The following CPT1A variants were observed in gnomAD, a reference collection of about 807,000 sequenced individuals.
The protein encoded by CPT1A is carnitine palmitoyltransferase 1A.
In CPT1A, 64 loss-of-function variants were observed where a neutral mutation model predicts 100.8. The observed-to-expected ratio is 0.63, with a 90% CI of 0.52 to 0.78. The LOEUF (loss-of-function observed/expected upper bound fraction) is 0.78. CPT1A is among the 30% of genes least tolerant of loss of function. The pLI is 0.00. For synonymous variants in CPT1A, 363 were observed against 396.0 expected (o/e 0.92, Z 0.99); for missense variants, 802 against 1,034.1 (o/e 0.78, Z 3.08).
intron 10 of CPT1A, among the ~76,000 whole-genome samples, chr11:68,783,998 T>C (rs1855384571): frequency 6.6e-6 from 1 of 152,132 alleles, no homozygotes; most frequent in Admixed American, 6.5e-5. Flanking sequence ...GCCTCCTGAA[T>C]AGCTTGGACT....
At chr11:68,760,557 T>G (rs1178311415) in intron 16 of CPT1A, among the ~76,000 whole-genome samples, 5 of 147,088 alleles carry the variant, frequency 3.4e-5, no homozygotes, top group Non-Finnish European at 3.0e-5. Context: ...AGGGTGGGGG[T>G]GGGGGCATAC....
intron 5 of CPT1A, among the ~76,000 whole-genome samples, chr11:68,802,213 A>C (rs543029163): frequency 3.9e-5 from 6 of 152,284 alleles, no homozygotes; most frequent in African/African-American, 1.4e-4. Flanking sequence ...GCGCAACATT[A>C]TAAATGTACT....
intron 1 of CPT1A, among the ~76,000 whole-genome samples, chr11:68,827,071 GA>G (rs1287904258): frequency 1.3e-5 from 2 of 152,086 alleles, no homozygotes; most frequent in East Asian, 3.9e-4. Flanking sequence ...CTGGACCTCA[GA>G]TAAGCCTCAC....
At chr11:68,790,164 A>G (rs2153999179) in intron 9 of CPT1A, among the ~76,000 whole-genome samples, 1 of 151,936 alleles carries the variant, frequency 6.6e-6, no homozygotes, top group Middle Eastern at 3.4e-3. Context: ...TCCACCTCCC[A>G]GGCTCAAGTG....
chr11:68,813,860 T>A (rs533182718), intron 2 of CPT1A, among the ~76,000 whole-genome samples: 3 of 152,240 alleles, frequency 2.0e-5, no homozygotes, highest in African/African-American at 7.2e-5. Flanking sequence ...AAATCTCGGA[T>A]GTCACCTTGG....
chr11:68,838,193 C>A (rs961130795), intron 1 of CPT1A, among the ~76,000 whole-genome samples: 1 of 152,082 alleles, frequency 6.6e-6, no homozygotes, highest in Non-Finnish European at 1.5e-5. Context: ...GGAGAGGGCA[C>A]GCCTCACTCA....
chr11:68,793,520 C>A (rs575281670), intron 8 of CPT1A, 118 bp from the exon 9 acceptor site: 1 of 716,558 alleles, frequency 1.4e-6, no homozygotes, highest in Non-Finnish European at 2.4e-6. Flanking sequence ...CTGAGGCGGG[C>A]GGATCACGAG....
chr11:68,817,112 T>G (rs1391868980), intron 1 of CPT1A, among the ~76,000 whole-genome samples: 10 of 136,630 alleles, frequency 7.3e-5, no homozygotes, highest in Non-Finnish European at 1.4e-4. Context: ...TGTGTGTGTG[T>G]GGGTGTGTGG....
chr11:68,795,692 C>A (rs1181673368), intron 7 of CPT1A, among the ~76,000 whole-genome samples: 1 of 152,144 alleles, frequency 6.6e-6, no homozygotes, highest in African/African-American at 2.4e-5. Flanking sequence ...CACGGATCAC[C>A]TGAAGTCAGG....
intron 1 of CPT1A, chr11:68,818,676 T>A (rs1856497845): frequency 6.6e-6 from 1 of 152,196 alleles, no homozygotes; most frequent in Non-Finnish European, 1.5e-5. Flanking sequence ...CTGGGCAACA[T>A]GGCGAAACCC....
intron 3 of CPT1A, 34 bp downstream of exon 3, chr11:68,812,402 TC>T: frequency 6.2e-7 from 1 of 1,613,722 alleles, no homozygotes; most frequent in Non-Finnish European, 8.5e-7. Context: ...ATCGGTAACT[TC>T]CCAGACAATT....
intron 1 of CPT1A, among the ~76,000 whole-genome samples, chr11:68,839,279 G>A (rs1857099893): frequency 6.6e-6 from 1 of 152,246 alleles, no homozygotes; most frequent in African/African-American, 2.4e-5. Flanking sequence ...TAGATTTCGG[G>A]CAGCAAGTTT....
chr11:68,843,658 C>A (rs1857200033), upstream of CPT1A, among the ~76,000 whole-genome samples: 1 of 152,222 alleles, frequency 6.6e-6, no homozygotes, highest in Non-Finnish European at 1.5e-5. This position sits in a 1 kb window ranked among gnomAD's most constrained non-coding sequence, Gnocchi z 4.0. Context: ...ATTTGCATTT[C>A]TTTGAGGTTA....
At chr11:68,815,561 C>G (rs547093030) in intron 1 of CPT1A, 74 bp from the exon 2 acceptor site, 2 of 1,430,294 alleles carry the variant, frequency 1.4e-6, no homozygotes, top group African/African-American at 1.4e-5. Flanking sequence ...TACAGAAGTG[C>G]CATTCCTTCT....
Position 68,759,627 on chromosome 11 carries a change from A to G in CPT1A, c.2177T>C (p.Leu726Pro). The G allele has an allele frequency of 2.5e-6, 4 of 1,613,976 alleles. No individual in the cohort carries two copies. In the Admixed American group the frequency reaches 5.0e-5, roughly 20 times the overall value. The part of the protein sequence containing the change: ...ADDGYGVSYI[L>P]VGENLINFHI... ...GAAATTGATGAGGTTCTCTCCCACAAGGATGTACGACACACCATAGCCGTC... is the reference window on the plus strand; with the variant it reads ...GAAATTGATGAGGTTCTCTCCCACAGGGATGTACGACACACCATAGCCGTC... The change falls in exon 18 of 19, where the codon CTT (leucine) becomes CCT (proline). Residue 726 changes from leucine (L) to proline (P), a missense_variant. This residue lies in a region of CPT1A where 627 missense variants were observed against 799.3 expected (regional missense o/e 0.78). Transcript: ENST00000265641.
intron 1 of CPT1A, among the ~76,000 whole-genome samples, chr11:68,829,848 C>CAAAAAAAA (rs1348568247): frequency 1.2e-3 from 179 of 152,326 alleles, no homozygotes; most frequent in African/African-American, 4.1e-3. Flanking sequence ...CCAAAAACAA[C>CAAAAAAAA]ACATCGTCTG....
Position 68,841,515 on chromosome 11 carries a change from C to T in CPT1A, c.-14+260G>A, listed in dbSNP as rs1262814129. 6.6e-5 allele frequency among the ~76,000 whole-genome samples: 10 copies of T among 152,216 alleles called. No homozygotes were observed. Among genetic ancestry groups the T allele is most frequent in the Admixed American group, 6.5e-4 (10 of 15,292 alleles). ...CCCTCCCGCGGCCGCACGGGACCCGCCTGCGGATGGACCGACCCCCGGTGG... is the reference window on the plus strand; with the variant it reads ...CCCTCCCGCGGCCGCACGGGACCCGTCTGCGGATGGACCGACCCCCGGTGG... On this transcript the variant is annotated intron_variant, in intron 1 of 18. Transcript: ENST00000265641. This position sits in a 1 kb window ranked among gnomAD's most constrained non-coding sequence, Gnocchi z 6.3.
chr11:68,822,960 G>A (rs1479621039), intron 1 of CPT1A, among the ~76,000 whole-genome samples: 1 of 152,196 alleles, frequency 6.6e-6, no homozygotes, highest in Admixed American at 6.5e-5. Flanking sequence ...CATGGGTAAG[G>A]AGTTGGGGGT....
At chr11:68,815,895 C>A (rs1331066798) in intron 1 of CPT1A, among the ~76,000 whole-genome samples, 3 of 150,084 alleles carry the variant, frequency 2.0e-5, no homozygotes, top group Non-Finnish European at 3.0e-5. Context: ...TCCCCCGGAA[C>A]CATGCCTCCA....
Sources: allele counts gnomAD v4.1 joint callset (sites outside exome capture counted in the v4.1 genomes callset), GRCh38; gene constraint gnomAD v4.1.1; regional missense constraint gnomAD v4.1.1; non-coding constraint Gnocchi (gnomAD v3.1); transcripts MANE v1.5; gene names NCBI Gene and HGNC (gene_info 2026-07-23, HGNC 2026-07-21).